The following APLF variants were observed in gnomAD, a reference collection of about 807,000 sequenced individuals.
APLF encodes the protein aprataxin and PNK-like factor.
In APLF, 61 loss-of-function variants were observed where a neutral mutation model predicts 55.6. That is an observed-to-expected ratio of 1.10 (90% CI 0.89 to 1.36). The LOEUF (loss-of-function observed/expected upper bound fraction) is 1.36, where lower values mean the gene tolerates loss of function less well. Ranked by LOEUF, APLF falls within the 40% of genes most tolerant of loss-of-function variation. The probability of loss-of-function intolerance (pLI) is 0.00; values close to 1 mark genes in which losing one functional copy is unlikely to be tolerated. For synonymous variants in APLF, 207 were observed against 214.8 expected (o/e 0.96, Z 0.32); for missense variants, 611 against 602.5 (o/e 1.01, Z -0.15).
At chr2:68,560,145 C>T (rs920003547) in intron 8 of APLF, among the ~76,000 whole-genome samples, 2 of 152,076 alleles carry the variant, frequency 1.3e-5, no homozygotes, top group African/African-American at 2.4e-5. Context: ...CAATCACTCT[C>T]TATATCCTTC....
At chr2:68,563,314 C>A in intron 8 of APLF, 1 of 983,806 alleles carries the variant, frequency 1.0e-6, no homozygotes, top group Non-Finnish European at 1.2e-6. Flanking sequence ...ATTACATTTT[C>A]TGCTCTTCCT....
intron 8 of APLF, among the ~76,000 whole-genome samples, chr2:68,562,618 A>G (rs1671200627): frequency 6.6e-6 from 1 of 152,042 alleles, no homozygotes; most frequent in Non-Finnish European, 1.5e-5. Context: ...TATTAAAGTT[A>G]CTTTCATGAA....
At chr2:68,528,021 G>A (rs1265296438) in intron 6 of APLF, among the ~76,000 whole-genome samples, 9 of 150,616 alleles carry the variant, frequency 6.0e-5, no homozygotes, top group East Asian at 3.9e-4. Context: ...CAGAGAGGGC[G>A]GGGGCTAGGC....
chr2:68,515,525 T>G (rs1669556592), intron 5 of APLF: 2 of 930,206 alleles, frequency 2.2e-6, no homozygotes, highest in African/African-American at 1.8e-5. Context: ...TCTGTGCTAC[T>G]GCTTATAATA....
intron 8 of APLF, among the ~76,000 whole-genome samples, chr2:68,556,942 A>G (rs566914515): frequency 7.2e-5 from 11 of 152,296 alleles, no homozygotes; most frequent in Admixed American, 3.3e-4. Context: ...CTCAAGACAT[A>G]TATGTGATGG....
At chr2:68,520,500 G>T (rs375994198) in intron 5 of APLF, among the ~76,000 whole-genome samples, 1 of 151,790 alleles carries the variant, frequency 6.6e-6, no homozygotes, top group Non-Finnish European at 1.5e-5. Context: ...TATAAGGTGA[G>T]AGATGAGGAT....
intron 5 of APLF, 58 bp downstream of exon 5, chr2:68,513,738 A>G: frequency 6.3e-7 from 1 of 1,576,592 alleles, no homozygotes; most frequent in East Asian, 2.2e-5. Flanking sequence ...AGAATTTGAA[A>G]GCTTTTCTGA....
chr2:68,570,851 G>T (rs1291769056), intron 9 of APLF, among the ~76,000 whole-genome samples: 3 of 152,150 alleles, frequency 2.0e-5, no homozygotes, highest in Non-Finnish European at 4.4e-5. Flanking sequence ...TCTAGTTCTA[G>T]ATCCCTGAGG....
chr2:68,513,708 C>G (rs767276186), intron 5 of APLF, 28 bp downstream of exon 5: 1 of 1,602,708 alleles, frequency 6.2e-7, no homozygotes. Flanking sequence ...CTAATGCTGA[C>G]TTTAAAGGAA....
At chr2:68,545,340 T>G in intron 8 of APLF, 28 bp downstream of exon 8, 1 of 1,592,852 alleles carries the variant, frequency 6.3e-7, no homozygotes, top group Non-Finnish European at 8.6e-7. Flanking sequence ...TTGGCTGCAC[T>G]CCTTTTCTTT....
chr2:68,527,037 C>T (rs937825854), intron 6 of APLF, among the ~76,000 whole-genome samples: 18 of 152,222 alleles, frequency 1.2e-4, no homozygotes, highest in African/African-American at 4.3e-4. Flanking sequence ...CAGAGACGCT[C>T]CTCACTTCCC....
intron 6 of APLF, among the ~76,000 whole-genome samples, chr2:68,532,063 A>G (rs1047228478): frequency 6.6e-6 from 1 of 152,164 alleles, no homozygotes; most frequent in Non-Finnish European, 1.5e-5. Flanking sequence ...GCCAGAGAAT[A>G]TGACTTAGAC....
intron 5 of APLF, among the ~76,000 whole-genome samples, chr2:68,520,329 T>A (rs1209139475): frequency 6.6e-6 from 1 of 152,016 alleles, no homozygotes; most frequent in African/African-American, 2.4e-5. Flanking sequence ...TTAAGTCCCA[T>A]CTATTTATCT....
intron 1 of APLF, among the ~76,000 whole-genome samples, chr2:68,486,183 T>C (rs1276793622): frequency 2.0e-5 from 3 of 152,098 alleles, no homozygotes; most frequent in African/African-American, 7.2e-5. Flanking sequence ...CAAGAAGATA[T>C]CCTAGGTCCA....
chr2:68,559,926 A>T (rs1040024685), intron 8 of APLF, among the ~76,000 whole-genome samples: 2 of 152,026 alleles, frequency 1.3e-5, no homozygotes, highest in African/African-American at 4.8e-5. Flanking sequence ...TTCATTTCCT[A>T]CTATTTTCAT....
At chr2:68,497,787 C>T (rs985462006) in intron 2 of APLF, among the ~76,000 whole-genome samples, 4 of 152,044 alleles carry the variant, frequency 2.6e-5, no homozygotes, top group Non-Finnish European at 5.9e-5. Flanking sequence ...TGCAATTCAC[C>T]ATGAGATTTG....
chr2:68,570,879 C>T (rs1275226368), intron 9 of APLF, among the ~76,000 whole-genome samples: 1 of 152,286 alleles, frequency 6.6e-6, no homozygotes, highest in South Asian at 2.1e-4. Flanking sequence ...ACACTGTCTT[C>T]CACAATGGTT....
In APLF at chr2:68,528,226, G is replaced by A. The variant is rs1397535899; in HGVS notation, c.804+1984G>A. On this transcript the variant is annotated intron_variant, in intron 6 of 9. Transcript: ENST00000303795. ...CCAAAGTGCTGGATTACAGGCGTGG[G>A]CCACCATGCCTGCCCTGCTGTCTCT... 2.6e-6 allele frequency: 3 copies of A among 1,132,950 alleles called. No homozygotes were observed. In the African/African-American group the frequency reaches 4.6e-5, roughly 17 times the overall value. 70.2% of individuals were successfully genotyped at this position (1,132,950 alleles called of 1,614,324 possible).
chr2:68,500,406 G>A (rs916497295), intron 2 of APLF, among the ~76,000 whole-genome samples: 16 of 152,130 alleles, frequency 1.1e-4, no homozygotes, highest in African/African-American at 3.6e-4. Flanking sequence ...AGTGCTTTCC[G>A]CTGAGGAAAA....
Sources: gnomAD v4.1 joint callset for allele counts (sites outside exome capture counted in the v4.1 genomes callset) on GRCh38, gnomAD v4.1.1 for gene constraint, MANE v1.5 for transcripts, NCBI Gene and HGNC (gene_info 2026-07-23, HGNC 2026-07-21) for gene names.